The following PAM variants were observed in gnomAD, a reference collection of about 807,000 sequenced individuals.
The protein encoded by PAM is peptidyl-glycine alpha-amidating monooxygenase.
PAM carries 72 observed loss-of-function variants against 122.1 expected under a neutral mutation model. The ratio of observed to expected loss-of-function variants is 0.59; its 90% confidence interval spans 0.49 to 0.72. The LOEUF (loss-of-function observed/expected upper bound fraction) is 0.72. Ranked by LOEUF, PAM falls within the 30% of genes least tolerant of loss-of-function variation. The pLI, the probability that PAM is intolerant of heterozygous loss-of-function variation, is 0.00. For synonymous variants in PAM, 389 were observed against 404.4 expected, an observed-to-expected ratio of 0.96 and a Z score of 0.46; for missense variants, 1,106 against 1,183.7, an observed-to-expected ratio of 0.93 and a Z score of 0.96.
chr5:103,014,962 A>C (rs1429845471), intron 21 of PAM, among the ~76,000 whole-genome samples: 1 of 152,184 alleles, frequency 6.6e-6, no homozygotes, highest in South Asian at 2.1e-4. Flanking sequence ...ATGGAAAAGA[A>C]AGAGAATGAT....
intron 24 of PAM, among the ~76,000 whole-genome samples, chr5:103,027,768 T>A (rs1229489607): frequency 6.6e-6 from 1 of 152,056 alleles, no homozygotes; most frequent in African/African-American, 2.4e-5. Flanking sequence ...GATGGAAAAA[T>A]TTTATAAATT....
intron 21 of PAM, among the ~76,000 whole-genome samples, chr5:103,011,628 T>C (rs186345160): frequency 1.3e-5 from 2 of 152,358 alleles, no homozygotes; most frequent in East Asian, 3.9e-4. Flanking sequence ...TACTCCATTG[T>C]GTATATGTAC....
At chr5:102,953,848 T>C (rs922742056) in intron 12 of PAM, among the ~76,000 whole-genome samples, 3 of 152,092 alleles carry the variant, frequency 2.0e-5, no homozygotes, top group Non-Finnish European at 4.4e-5. Flanking sequence ...ACCCCATCTC[T>C]ACAAAAATAC....
intron 1 of PAM, among the ~76,000 whole-genome samples, chr5:102,787,191 A>G (rs533599292): frequency 7.2e-5 from 11 of 152,198 alleles, no homozygotes; most frequent in Admixed American, 3.9e-4. Flanking sequence ...TTATTTTTCA[A>G]TCTATTTCAA....
At chr5:102,975,020 A>G (rs1456119464) in intron 15 of PAM, among the ~76,000 whole-genome samples, 1 of 152,192 alleles carries the variant, frequency 6.6e-6, no homozygotes, top group Non-Finnish European at 1.5e-5. Flanking sequence ...TAACTATCAG[A>G]TTTATCTTTA....
chr5:102,979,061 C>CACAT (rs1491446364), intron 15 of PAM, among the ~76,000 whole-genome samples: 44 of 149,294 alleles, frequency 2.9e-4, no homozygotes, highest in African/African-American at 1.1e-3. Flanking sequence ...CACACACACA[C>CACAT]GCACACACAC....
At chr5:102,758,439 C>T (rs1050490563) in intron 1 of PAM, among the ~76,000 whole-genome samples, 3 of 152,108 alleles carry the variant, frequency 2.0e-5, no homozygotes, top group African/African-American at 7.2e-5. Flanking sequence ...CCCTGGAAGC[C>T]GTGTCATCTG....
At chr5:102,986,656 A>G (rs1771925913) in intron 15 of PAM, among the ~76,000 whole-genome samples, 1 of 152,070 alleles carries the variant, frequency 6.6e-6, no homozygotes, top group Admixed American at 6.6e-5. Context: ...ATACTACCTG[A>G]TATGGTTTGG....
At chr5:102,818,157 A>G (rs1301926185) in intron 1 of PAM, among the ~76,000 whole-genome samples, 1 of 149,736 alleles carries the variant, frequency 6.7e-6, no homozygotes, top group Non-Finnish European at 1.5e-5. Context: ...TTAACATAAC[A>G]TATTGTTTTC....
chr5:102,866,132 C>A lies in PAM; in HGVS notation c.-64C>A, dbSNP rs1785476733. 4 of 1,189,446 alleles carry A rather than the reference C, an allele frequency of 3.4e-6. No individual in the cohort carries two copies. The highest frequency in any genetic ancestry group is 4.9e-6 in the Non-Finnish European group (4 of 815,810). 73.7% of individuals were successfully genotyped at this position (1,189,446 alleles called of 1,614,324 possible). On this transcript the variant is annotated 5_prime_UTR_variant, in exon 2 of 26. Coordinates refer to ENST00000438793, the MANE Select transcript of PAM (RefSeq NM_001177306.2). ...GCTGCTGGCGGCGCCGCTGCCCAAC[C>A]GCCAGCCCCAGCCCCGCGCTGCGCT...
At chr5:102,991,841 T>C (rs575526119) in intron 16 of PAM, among the ~76,000 whole-genome samples, 1 of 152,320 alleles carries the variant, frequency 6.6e-6, no homozygotes, top group Non-Finnish European at 1.5e-5. Context: ...TTACTATTCA[T>C]AGTAGCATAT....
At chr5:103,023,769 C>A (rs1261524980) in intron 23 of PAM, among the ~76,000 whole-genome samples, 1 of 152,000 alleles carries the variant, frequency 6.6e-6, no homozygotes, top group Non-Finnish European at 1.5e-5. Flanking sequence ...ATAGTGCCTA[C>A]TCATGAGCTT....
intron 4 of PAM, among the ~76,000 whole-genome samples, chr5:102,913,659 C>T (rs1013613307): frequency 6.6e-6 from 1 of 151,816 alleles, no homozygotes; most frequent in Non-Finnish European, 1.5e-5. Flanking sequence ...CATATAATGC[C>T]CTCACCACTT....
Position 102,786,828 on chromosome 5 carries a change from A to G in PAM, c.-374+31480A>G, listed in dbSNP as rs983076526. On this transcript the variant is annotated intron_variant, in intron 1 of 25. Coordinates refer to ENST00000438793, the MANE Select transcript of PAM (RefSeq NM_001177306.2). ...AAACAAGTAACTTACTACTCTTTTGATATGTGGTATAGAGGTCAAGAATAT... is the reference window on the plus strand; with the variant it reads ...AAACAAGTAACTTACTACTCTTTTGGTATGTGGTATAGAGGTCAAGAATAT... Among the ~76,000 whole-genome samples, 10 of 152,248 alleles carry G rather than the reference A, an allele frequency of 6.6e-5. No homozygotes were observed. The South Asian group carries it at 2.1e-3, about 32-fold the overall frequency.
At chr5:102,994,265 A>G (rs1775008103) in intron 16 of PAM, among the ~76,000 whole-genome samples, 1 of 152,148 alleles carries the variant, frequency 6.6e-6, no homozygotes, top group Non-Finnish European at 1.5e-5. Context: ...AGATGTTATA[A>G]AGTTCTTCAT....
intron 21 of PAM, among the ~76,000 whole-genome samples, chr5:103,011,851 T>C (rs1780730099): frequency 6.6e-6 from 1 of 152,224 alleles, no homozygotes; most frequent in South Asian, 2.1e-4. Flanking sequence ...CTGTTCTATA[T>C]AGTTTTACTA....
chr5:102,916,541 A>G (rs1803158783), intron 5 of PAM, among the ~76,000 whole-genome samples: 2 of 151,234 alleles, frequency 1.3e-5, no homozygotes, highest in Admixed American at 1.3e-4. Context: ...AACATTTAAA[A>G]GTAGGATCTT....
intron 3 of PAM, among the ~76,000 whole-genome samples, chr5:102,877,800 G>A (rs1340891585): frequency 1.3e-5 from 2 of 152,120 alleles, no homozygotes; most frequent in Non-Finnish European, 2.9e-5. Context: ...GACTGAGGCA[G>A]GAGGATTGCA....
intron 7 of PAM, among the ~76,000 whole-genome samples, chr5:102,946,444 TAA>T (rs958671709): frequency 5.9e-5 from 9 of 151,648 alleles, no homozygotes; most frequent in Non-Finnish European, 1.3e-4. Context: ...TCTTAGAAAA[TAA>T]AAAAGTCTTT....
Sources: gnomAD v4.1 joint callset for allele counts (sites outside exome capture counted in the v4.1 genomes callset) on GRCh38, gnomAD v4.1.1 for gene constraint, MANE v1.5 for transcripts, NCBI Gene and HGNC (gene_info 2026-07-23, HGNC 2026-07-21) for gene names.